TBCK: variants seen among roughly 807,000 people sequenced by gnomAD.
The protein encoded by TBCK is TBC domain-containing protein kinase-like protein.
In TBCK, 99 loss-of-function variants were observed where a neutral mutation model predicts 113.4. The observed-to-expected ratio is 0.87, with a 90% CI of 0.74 to 1.03. The LOEUF is 1.03. Ranked by LOEUF, TBCK falls within the 50% of genes least tolerant of loss-of-function variation. The probability of loss-of-function intolerance (pLI) is 0.00; values close to 1 mark genes in which losing one functional copy is unlikely to be tolerated. For missense variants in TBCK, 1,045 were observed against 1,061.3 expected (o/e 0.98, Z 0.21); for synonymous variants, 369 against 370.8 (o/e 1.00, Z 0.05).
At chr4:106,115,305 A>G (rs1743358058) in intron 24 of TBCK, among the ~76,000 whole-genome samples, 1 of 152,194 alleles carries the variant, frequency 6.6e-6, no homozygotes, top group South Asian at 2.1e-4. Flanking sequence ...ACTGGTAAGT[A>G]TATACATATA....
Position 106,307,097 on chromosome 4 carries a change from T to C in TBCK, c.193+1671A>G, listed in dbSNP as rs143554765. Among the ~76,000 whole-genome samples the C allele has an allele frequency of 1.6e-3, 250 of 152,328 alleles. 1 individual carries two copies. Among genetic ancestry groups the C allele is most frequent in the African/African-American group, 5.6e-3 (232 of 41,582 alleles). On this transcript the variant is annotated intron_variant, in intron 2 of 25. Transcript: ENST00000394708. The stretch of plus-strand genomic sequence containing the variant: ...ATGTGGTAGAGCTCAACAGTATTTA[T>C]GGTACGGAATAGCTCTGATTAGAAT...
chr4:106,164,153 C>G (rs1290818007), intron 23 of TBCK, among the ~76,000 whole-genome samples: 1 of 152,066 alleles, frequency 6.6e-6, no homozygotes, highest in African/African-American at 2.4e-5. Flanking sequence ...TAGTCTTCAT[C>G]TTTCACTAAA....
At position 106,092,096 on chromosome 4, in the gene TBCK, G is replaced by A. The variant is rs149626361; in HGVS notation, c.2571+3386C>T. 5.2e-3 allele frequency among the ~76,000 whole-genome samples: 794 copies of A among 151,984 alleles called. 3 individuals are homozygous for A. The highest frequency in any genetic ancestry group is 0.017 in the African/African-American group (690 of 41,452). ...AACCTTGAGCTAGATACAGAGTGCC[G>A]ATTGGTGTATTCACAATCCCTTAGC... is the stretch of plus-strand genomic sequence containing the variant. On this transcript the variant is annotated intron_variant, in intron 25 of 25. Coordinates refer to ENST00000394708, the MANE Select transcript of TBCK (RefSeq NM_001163435.3).
At position 106,132,071 on chromosome 4, in the gene TBCK, T is replaced by C. The variant is rs190881825; in HGVS notation, c.2236-15693A>G. On this transcript the variant is annotated intron_variant, in intron 23 of 25. Coordinates refer to ENST00000394708, the MANE Select transcript of TBCK (RefSeq NM_001163435.3). Reference sequence around the variant, plus strand: ...AAAAATTTGAAGGTTGGCAATGTGATAAAAGAAAAACCAATTTTCTGGGAA... The same window carrying C: ...AAAAATTTGAAGGTTGGCAATGTGACAAAAGAAAAACCAATTTTCTGGGAA... 2.0e-4 allele frequency among the ~76,000 whole-genome samples: 31 copies of C among 152,280 alleles called. No individual in the cohort carries two copies. In the Middle Eastern group the frequency reaches 0.01, roughly 50 times the overall value.
chr4:106,240,110 T>C (rs1161100687), intron 12 of TBCK, among the ~76,000 whole-genome samples: 1 of 151,842 alleles, frequency 6.6e-6, no homozygotes, highest in Middle Eastern at 3.2e-3. Context: ...ATTAAATCCA[T>C]TAACATAATA....
chr4:106,236,292 ATCT>A (rs1176963009), intron 14 of TBCK, 95 bp downstream of exon 14: 19 of 881,354 alleles, frequency 2.2e-5, no homozygotes, highest in African/African-American at 1.0e-4. Flanking sequence ...ATAAAAATTA[ATCT>A]TCTTATTACT....
chr4:106,140,632 T>C lies in TBCK; in HGVS notation c.2236-24254A>G, dbSNP rs1010702397. ...AACAATCCAGGTACAAATAATGTCT[T>C]AGTTTTAAATTTAACTGAAATTTAT... On this transcript the variant is annotated intron_variant, in intron 23 of 25. Coordinates refer to ENST00000394708, the MANE Select transcript of TBCK (RefSeq NM_001163435.3). 1.4e-5 allele frequency among the ~76,000 whole-genome samples: 2 copies of C among 141,278 alleles called. 1 individual carries two copies. Among genetic ancestry groups the C allele is most frequent in the Non-Finnish European group, 3.2e-5 (2 of 62,086 alleles). 92.7% of individuals were successfully genotyped at this position (141,278 alleles called of 152,430 possible). A position where few individuals can be genotyped will look rare whatever the true frequency, so the allele number is the denominator to read the frequency against.
chr4:106,119,130 C>T (rs1393623523), intron 23 of TBCK, among the ~76,000 whole-genome samples: 1 of 152,060 alleles, frequency 6.6e-6, no homozygotes, highest in African/African-American at 2.4e-5. Context: ...AAAAGTAAAA[C>T]TGTACAACTT....
At chr4:106,225,748 C>T (rs974321666) in intron 19 of TBCK, among the ~76,000 whole-genome samples, 12 of 152,118 alleles carry the variant, frequency 7.9e-5, no homozygotes, top group African/African-American at 2.9e-4. Flanking sequence ...TGAGCCACTG[C>T]GCCCAGCTTT....
Position 106,242,565 on chromosome 4 carries a change from G to A in TBCK, c.1075C>T (p.Leu359Phe). The A allele has an allele frequency of 6.3e-7, 1 of 1,590,228 alleles. No individual in the cohort carries two copies. The highest frequency in any genetic ancestry group is 2.3e-5 in the East Asian group (1 of 44,216). ...KPPICTLPNF[L>F]FEDGESFGQG... ...CCAAAGCTTTCACCATCCTCAAAGA[G>A]AAAACTGAAAAGAAATTTTTAAAAA... The change falls in exon 12 of 26, where the codon CTC becomes TTC. Residue 359 changes from leucine to phenylalanine, a missense_variant. Coordinates refer to ENST00000394708, the MANE Select transcript of TBCK (RefSeq NM_001163435.3).
intron 19 of TBCK, among the ~76,000 whole-genome samples, chr4:106,213,102 T>C (rs1197151045): frequency 6.6e-6 from 1 of 152,206 alleles, no homozygotes; most frequent in Non-Finnish European, 1.5e-5. Flanking sequence ...AAATAATGTT[T>C]TCCTGTTAAA....
At position 106,055,551 on chromosome 4, in the gene TBCK, T is replaced by TAC. The variant is rs3056715; in HGVS notation, c.2572-8873_2572-8872dup. ...GTTTGGTTTGTTGAAAGTTCAATTA[T>TAC]ACACACACACACACACACACACACA... On this transcript the variant is annotated intron_variant, in intron 25 of 25. Transcript: ENST00000394708. 9.9e-3 allele frequency among the ~76,000 whole-genome samples: 1,480 copies of TAC among 149,332 alleles called. 15 individuals carry two copies. Among genetic ancestry groups the TAC allele is most frequent in the Non-Finnish European group, 0.013 (882 of 66,848 alleles).
intron 25 of TBCK, among the ~76,000 whole-genome samples, chr4:106,088,567 A>G (rs998353748): frequency 2.6e-5 from 4 of 152,100 alleles, no homozygotes; most frequent in Non-Finnish European, 5.9e-5. Flanking sequence ...AACCAGAAAA[A>G]CCATCTGGAC....
chr4:106,295,399 A>G (rs762921850), intron 2 of TBCK, among the ~76,000 whole-genome samples: 6 of 152,162 alleles, frequency 3.9e-5, no homozygotes, highest in African/African-American at 7.2e-5. Context: ...TTTTTCTTAC[A>G]TACGTCAGGA....
At position 106,247,168 on chromosome 4, in the gene TBCK, A is replaced by ACCT; in HGVS notation, c.901_902insAGG (p.Leu301delinsGlnVal). 2 of 1,613,466 alleles carry ACCT rather than the reference A, an allele frequency of 1.2e-6. No individual in the cohort carries two copies. Among genetic ancestry groups the ACCT allele is most frequent in the Non-Finnish European group, 1.7e-6 (2 of 1,179,658 alleles). On this transcript the variant is annotated protein_altering_variant, in exon 10 of 26. Coordinates refer to ENST00000394708, the MANE Select transcript of TBCK (RefSeq NM_001163435.3). ...ACACAACTGACTGATATCCTCAGGC[A>ACCT]GAGTTAAATCAGCACATCTCAGAGA...
intron 24 of TBCK, among the ~76,000 whole-genome samples, chr4:106,109,431 A>G (rs1742563673): frequency 6.6e-6 from 1 of 152,204 alleles, no homozygotes; most frequent in African/African-American, 2.4e-5. Context: ...ACAGGCACAT[A>G]GACTAATGGA....
chr4:106,174,964 C>T (rs1315204304), intron 22 of TBCK, among the ~76,000 whole-genome samples: 1 of 151,344 alleles, frequency 6.6e-6, no homozygotes, highest in Admixed American at 6.6e-5. Context: ...CTCTACTAAA[C>T]AAAAATACAA....
At chr4:106,265,532 AAG>A (rs1054631644) in intron 3 of TBCK, among the ~76,000 whole-genome samples, 5 of 128,634 alleles carry the variant, frequency 3.9e-5, no homozygotes, top group Admixed American at 7.6e-5. Context: ...CAGAGATCCA[AAG>A]AGAGAGAGAG....
chr4:106,269,879 A>AT (rs1205917343), intron 3 of TBCK, among the ~76,000 whole-genome samples: 2 of 152,174 alleles, frequency 1.3e-5, no homozygotes, highest in South Asian at 4.1e-4. Context: ...TCAAATACAT[A>AT]TGGAAAACAT....
Sources: gnomAD v4.1 joint callset for allele counts (sites outside exome capture counted in the v4.1 genomes callset) on GRCh38, gnomAD v4.1.1 for gene constraint, MANE v1.5 for transcripts, NCBI Gene and HGNC (gene_info 2026-07-23, HGNC 2026-07-21) for gene names.